The following PCDHGA6 variants were observed in gnomAD, a reference collection of about 807,000 sequenced individuals.
PCDHGA6 encodes protocadherin gamma-A6.
In PCDHGA6, 41 loss-of-function variants were observed where a neutral mutation model predicts 60.6. The ratio of observed to expected loss-of-function variants is 0.68; its 90% confidence interval spans 0.53 to 0.88. PCDHGA6 has a LOEUF of 0.88. Ranked by LOEUF, PCDHGA6 falls within the 40% of genes least tolerant of loss-of-function variation. The pLI, the probability that PCDHGA6 is intolerant of heterozygous loss-of-function variation, is 0.00. For missense variants in PCDHGA6, 1,312 were observed against 1,203.0 expected, an observed-to-expected ratio of 1.09 and a Z score of -1.34; for synonymous variants, 594 against 524.4, an observed-to-expected ratio of 1.13 and a Z score of -1.81.
rs529966095 is a variant in PCDHGA6 at position 141,499,776 on chromosome 5, TC to T, written c.2483+4914del. 3.7e-3 allele frequency among the ~76,000 whole-genome samples: 528 copies of T among 141,410 alleles called. 6 individuals carry two copies. Among genetic ancestry groups the T allele is most frequent in the Non-Finnish European group, 4.2e-3 (282 of 66,550 alleles). The allele number at this position is 141,410 out of a possible 152,430, so 92.8% of individuals were successfully genotyped here. ...ATCTCAGCTCACTGCAGCCTTCGCCTCCCGGGTTCAAGCAATTCTCATGCTT... is the reference window on the plus strand; with the variant it reads ...ATCTCAGCTCACTGCAGCCTTCGCCTCCGGGTTCAAGCAATTCTCATGCTT... On this transcript the variant is annotated intron_variant, in intron 2 of 3. Coordinates refer to ENST00000517434, the MANE Select transcript of PCDHGA6 (RefSeq NM_018919.3).
At chr5:141,471,495 T>A (rs539663010) in intron 1 of PCDHGA6, 1 of 152,318 alleles carries the variant, frequency 6.6e-6, no homozygotes, top group East Asian at 1.9e-4. Flanking sequence ...ATTTAGGGAA[T>A]GCAAGAGAGG....
chr5:141,487,749 A>G lies in PCDHGA6; in HGVS notation c.2425-7058A>G, dbSNP rs574710316. 3.9e-5 allele frequency: 60 copies of G among 1,557,180 alleles called. No homozygotes were observed. The African/African-American group carries it at 5.6e-4, about 14-fold the overall frequency. ...GTCACCATTTTTGTAAGAGGTAACT[A>G]TGTGGTAGACGCTGTGCTTTGTAAC... is the stretch of plus-strand genomic sequence containing the variant. On this transcript the variant is annotated intron_variant, in intron 1 of 3. Coordinates refer to ENST00000517434, the MANE Select transcript of PCDHGA6 (RefSeq NM_018919.3). The surrounding 1 kb of genome is among the most constrained non-coding windows in gnomAD (Gnocchi z 5.0).
At chr5:141,498,971 G>GGGAGGGAAGGAAGGAAGGAAGGAA (rs2099787588) in intron 2 of PCDHGA6, among the ~76,000 whole-genome samples, 6 of 110,972 alleles carry the variant, frequency 5.4e-5, no homozygotes, top group Admixed American at 5.3e-4. Flanking sequence ...GAGGGAGGGA[G>GGGAGGGAAGGAAGGAAGGAAGGAA]GGAAGGAAGG....
chr5:141,417,766 C>T (rs564920153), intron 1 of PCDHGA6: 7 of 1,442,472 alleles, frequency 4.9e-6, no homozygotes, highest in African/African-American at 4.3e-5. Context: ...AGACCCGGGA[C>T]TCCTCCTGTC....
chr5:141,388,356 C>T (rs756910714), intron 1 of PCDHGA6: 1 of 1,613,826 alleles, frequency 6.2e-7, no homozygotes. Flanking sequence ...AGGATCTGCC[C>T]ATGATGCGGA....
chr5:141,477,220 G>A lies in PCDHGA6; in HGVS notation c.2425-17587G>A. 24 of 1,614,190 alleles carry A rather than the reference G, an allele frequency of 1.5e-5. No individual in the cohort carries two copies. The highest frequency in any genetic ancestry group is 1.9e-5 in the Non-Finnish European group (23 of 1,180,040). ...CAGTACCCGAGGATGCCCCTCTGGG[G>A]ACTGTCATCGCTTTGCTCAGTGTGA... is the stretch of plus-strand genomic sequence containing the variant. On this transcript the variant is annotated intron_variant, in intron 1 of 3. Coordinates refer to ENST00000517434, the MANE Select transcript of PCDHGA6 (RefSeq NM_018919.3). The surrounding 1 kb of genome is among the most constrained non-coding windows in gnomAD (Gnocchi z 4.9).
chr5:141,390,103 A>G (rs757288667), intron 1 of PCDHGA6: 2 of 1,613,996 alleles, frequency 1.2e-6, no homozygotes, highest in South Asian at 1.1e-5. Flanking sequence ...GTTCCCCCCA[A>G]CTACAGCGAG....
At chr5:141,396,487 G>A (rs1196823269) in intron 1 of PCDHGA6, 1 of 152,122 alleles carries the variant, frequency 6.6e-6, no homozygotes, top group Non-Finnish European at 1.5e-5. Flanking sequence ...AGGCATGGTG[G>A]CATGCGCCTG....
chr5:141,401,725 T>C lies in PCDHGA6; in HGVS notation c.2424+25218T>C, dbSNP rs2094187242. Among the ~76,000 whole-genome samples the C allele has an allele frequency of 2.0e-5, 3 of 152,322 alleles. No individual in the cohort carries two copies. In the South Asian group the frequency reaches 6.2e-4, roughly 32 times the overall value. ...ATTCCATTTTTAAGACAAAAACTAC[T>C]AGTCTTGTGTACATACAAAGCTCCC... On this transcript the variant is annotated intron_variant, in intron 1 of 3. Coordinates refer to ENST00000517434, the MANE Select transcript of PCDHGA6 (RefSeq NM_018919.3).
At chr5:141,388,940 C>A (rs762814414) in intron 1 of PCDHGA6, 1 of 1,613,966 alleles carries the variant, frequency 6.2e-7, no homozygotes, top group South Asian at 1.1e-5. Context: ...CTCTACCCAA[C>A]CTAATTATGG....
chr5:141,465,893 C>A (rs926928579), intron 1 of PCDHGA6, among the ~76,000 whole-genome samples: 1 of 151,962 alleles, frequency 6.6e-6, no homozygotes, highest in Non-Finnish European at 1.5e-5. Context: ...GAGGCCGAGG[C>A]GGGCAAATCA....
At chr5:141,434,533 C>T (rs6862159) in intron 1 of PCDHGA6, among the ~76,000 whole-genome samples, 18,539 of 152,264 alleles carry the variant, frequency 0.12, 1,259 homozygotes, top group Non-Finnish European at 0.16. Flanking sequence ...AAACCACAAA[C>T]AATAGCATGA....
chr5:141,504,583 A>G (rs1230825472), intron 2 of PCDHGA6, among the ~76,000 whole-genome samples: 1 of 146,622 alleles, frequency 6.8e-6, no homozygotes, highest in African/African-American at 2.5e-5. Flanking sequence ...CCATCTGCCC[A>G]GGATTCACAG....
chr5:141,404,000 A>T (rs758512396), intron 1 of PCDHGA6: 2 of 1,613,956 alleles, frequency 1.2e-6, no homozygotes, highest in South Asian at 1.1e-5. Context: ...AGTGACCATT[A>T]CATCTCTGTT....
At chr5:141,454,977 T>C (rs1357011192) in intron 1 of PCDHGA6, among the ~76,000 whole-genome samples, 6 of 151,508 alleles carry the variant, frequency 4.0e-5, no homozygotes, top group Non-Finnish European at 8.8e-5. Context: ...CTGGCTAATT[T>C]TTTAAAAAAT....
At position 141,491,672 on chromosome 5, in the gene PCDHGA6, G is replaced by A. The variant is rs754836157; in HGVS notation, c.2425-3135G>A. The A allele has an allele frequency of 9.9e-6, 16 of 1,613,494 alleles. No homozygotes were observed. The South Asian group carries it at 1.4e-4, about 14-fold the overall frequency. On this transcript the variant is annotated intron_variant, in intron 1 of 3. Transcript: ENST00000517434. This position sits in a 1 kb window ranked among gnomAD's most constrained non-coding sequence, Gnocchi z 6.9. ...CTGGAGCCTGACGCCATCCGGTCCCGCTCTAATACGCTGCGGGAGCGGAGC... is the reference window on the plus strand; with the variant it reads ...CTGGAGCCTGACGCCATCCGGTCCCACTCTAATACGCTGCGGGAGCGGAGC...
intron 1 of PCDHGA6, chr5:141,421,999 TC>T: frequency 9.9e-6 from 16 of 1,609,214 alleles, no homozygotes; most frequent in Non-Finnish European, 1.4e-5. Context: ...AAACATCAGC[TC>T]CGGAACTCGG....
chr5:141,433,595 G>C (rs2097629585), intron 1 of PCDHGA6, among the ~76,000 whole-genome samples: 1 of 152,070 alleles, frequency 6.6e-6, no homozygotes, highest in South Asian at 2.1e-4. Context: ...CAGTACTTTG[G>C]GAGGCCGAGG....
chr5:141,457,054 T>C (rs1410535170), intron 1 of PCDHGA6, among the ~76,000 whole-genome samples: 1 of 152,242 alleles, frequency 6.6e-6, no homozygotes, highest in Non-Finnish European at 1.5e-5. Context: ...ACTTTCATGC[T>C]TCCTTTTTGC....
Sources: gnomAD v4.1 joint callset for allele counts (sites outside exome capture counted in the v4.1 genomes callset) on GRCh38, gnomAD v4.1.1 for gene constraint, Gnocchi (gnomAD v3.1) non-coding constraint, MANE v1.5 for transcripts, NCBI Gene and HGNC (gene_info 2026-07-23, HGNC 2026-07-21) for gene names.